Variants in NEB observed in about 807,000 individuals in gnomAD.
NEB encodes nebulin, also known as nemaline myopathy type 2.
Under a neutral mutation model 952.2 loss-of-function variants are expected in NEB, and 512 were observed. The ratio of observed to expected loss-of-function variants is 0.54; its 90% CI spans 0.50 to 0.58. NEB has a LOEUF of 0.58. NEB is among the 20% of genes least tolerant of loss of function. The probability of loss-of-function intolerance (pLI) is 0.00; values close to 1 mark genes in which losing one functional copy is unlikely to be tolerated. For synonymous variants in NEB, 2,900 were observed against 3,149.8 expected (o/e 0.92, Z 2.66); for missense variants, 8,428 against 9,231.1 (o/e 0.91, Z 3.56).
At position 151,566,971 on chromosome 2, in the gene NEB, A is replaced by G. The variant is rs550585111; in HGVS notation, c.18156+197T>C. Among the ~76,000 whole-genome samples the G allele has an allele frequency of 1.1e-4, 16 of 152,336 alleles. 1 individual carries two copies. In the East Asian group the frequency reaches 2.5e-3, roughly 24 times the overall value. On this transcript the variant is annotated intron_variant, in intron 114 of 181. Transcript: ENST00000397345. ...AAAAAAATTTGATTGAAAGTTACTCAGAAATGCAGTCAGTAGGCAAACCAA... is the reference window on the plus strand; with the variant it reads ...AAAAAAATTTGATTGAAAGTTACTCGGAAATGCAGTCAGTAGGCAAACCAA...
At chr2:151,726,647 T>C (rs933526389) in intron 5 of NEB, among the ~76,000 whole-genome samples, 5 of 152,140 alleles carry the variant, frequency 3.3e-5, no homozygotes, top group African/African-American at 1.2e-4. Context: ...GAACTGTGCA[T>C]GGGAATCTAA....
intron 145 of NEB, chr2:151,530,539 G>A (rs1270150946): frequency 6.5e-6 from 1 of 153,062 alleles, no homozygotes; most frequent in Non-Finnish European, 1.5e-5. Flanking sequence ...CATAGACCTA[G>A]TTTACCAATT....
At chr2:151,671,338 C>T in intron 37 of NEB, 109 bp from the exon 38 acceptor site, 1 of 867,104 alleles carries the variant, frequency 1.2e-6, no homozygotes, top group East Asian at 2.7e-5. Flanking sequence ...CTTCAGCATG[C>T]TCATGTCTGA....
chr2:151,729,926 T>C lies in NEB; in HGVS notation c.37-270A>G, dbSNP rs76252750. On this transcript the variant is annotated intron_variant, in intron 3 of 181. Transcript: ENST00000397345. Reference sequence around the variant, plus strand: ...AGGCTGTTTTTTAATCAAGAGAAGCTATTTTACTTTACTGGGACATGGAAA... The same window carrying C: ...AGGCTGTTTTTTAATCAAGAGAAGCCATTTTACTTTACTGGGACATGGAAA... Among the ~76,000 whole-genome samples, 1,072 of 152,300 alleles carry C rather than the reference T, an allele frequency of 7.0e-3. 20 individuals are homozygous for C. The highest frequency in any genetic ancestry group is 0.062 in the East Asian group (323 of 5,178).
At chr2:151,678,820 G>C (rs1214159206) in intron 32 of NEB, among the ~76,000 whole-genome samples, 2 of 152,034 alleles carry the variant, frequency 1.3e-5, no homozygotes, top group Non-Finnish European at 2.9e-5. Context: ...GCAGCTGGAG[G>C]AAAGTACCCA....
chr2:151,705,734 C>CT (rs1162613213), intron 13 of NEB, among the ~76,000 whole-genome samples: 1 of 152,098 alleles, frequency 6.6e-6, no homozygotes, highest in Non-Finnish European at 1.5e-5. Context: ...TGGAATGCTA[C>CT]TCAGCCATGA....
intron 161 of NEB, among the ~76,000 whole-genome samples, chr2:151,509,365 A>G (rs1012701208): frequency 1.3e-5 from 2 of 152,178 alleles, no homozygotes; most frequent in African/African-American, 4.8e-5. Flanking sequence ...AATAGAAACA[A>G]TCGTCCTTTT....
Position 151,568,677 on chromosome 2 carries a change from G to T in NEB, c.17575C>A (p.Pro5859Thr), listed in dbSNP as rs1437205669. 1 of 1,607,766 alleles carries T rather than the reference G, an allele frequency of 6.2e-7. No homozygotes were observed. The highest frequency in any genetic ancestry group is 8.5e-7 in the Non-Finnish European group (1 of 1,177,122). The change falls in exon 111 of 182, where the codon CCT (proline) becomes ACT (threonine). Residue 5859 changes from proline to threonine, a missense_variant. Pro to Thr is a conservative substitution (Grantham distance 38). Transcript: ENST00000397345. ...ACATAATCAACTCTGTCATCCACAG[G>T]CGTAAAGTTGAGAGTTTCTATTTTT... ...RTKIETLNFT[P>T]VDDRVDYVTA...
chr2:151,526,644 C>A (rs966460046), intron 148 of NEB, among the ~76,000 whole-genome samples: 1 of 152,152 alleles, frequency 6.6e-6, no homozygotes, highest in Non-Finnish European at 1.5e-5. Flanking sequence ...CATAAAGAGT[C>A]CAGCCAGGCC....
chr2:151,609,697 C>A (rs1047435136), intron 81 of NEB, 112 bp downstream of exon 81: 31 of 966,440 alleles, frequency 3.2e-5, no homozygotes, highest in Non-Finnish European at 3.8e-5. Context: ...CCAGCCCCAC[C>A]CCCAGGTTTG....
chr2:151,659,417 C>T (rs1398033532), intron 46 of NEB, among the ~76,000 whole-genome samples: 3 of 152,140 alleles, frequency 2.0e-5, no homozygotes, highest in Non-Finnish European at 4.4e-5. Flanking sequence ...CCTCCCACCT[C>T]AGCCTCCTGA....
rs2098896772 is a variant in NEB, at chr2:151,642,812, T to C, written c.8218A>G (p.Thr2740Ala). 2 of 1,612,956 alleles carry C rather than the reference T, an allele frequency of 1.2e-6. No individual in the cohort carries two copies. Among genetic ancestry groups the C allele is most frequent in the Admixed American group, 1.7e-5 (1 of 59,916 alleles). The stretch of plus-strand genomic sequence containing the variant: ...TGTTTAGCTAATAAAACTTCAGGGG[T>C]ATCTGGCATAATGTGGACAGTGGTT... ...DKTTVHIMPD[T>A]PEVLLAKQNK... Residue 2740 changes from threonine to alanine, a missense_variant, in exon 59 of 182, where the codon ACC becomes GCC. Coordinates refer to ENST00000397345, the MANE Select transcript of NEB (RefSeq NM_001164508.2).
Position 151,697,213 on chromosome 2 carries a change from C to G in NEB, c.1405G>C (p.Gly469Arg), listed in dbSNP as rs2099602827. The G allele has an allele frequency of 6.2e-7, 1 of 1,613,724 alleles. No individual in the cohort carries two copies. The highest frequency in any genetic ancestry group is 8.5e-7 in the Non-Finnish European group (1 of 1,179,890). Reference protein sequence around the residue: ...KAEYEEDRGKGFFPQTITQEY... With the variant: ...KAEYEEDRGKRFFPQTITQEY... The stretch of plus-strand genomic sequence containing the variant: ...TGAGTTATGGTCTGAGGGAAGAAGC[C>G]TTTGCCTCTGTCTTCTTCGTATTCT... Residue 469 changes from glycine (G) to arginine (R), a missense_variant, in exon 16 of 182, where the codon GGC (glycine) becomes CGC (arginine). By Grantham distance (125) the Gly-to-Arg change is moderately radical (BLOSUM62 -2). This residue lies in a region of NEB where 2,851 missense variants were observed against 2,791.5 expected (regional missense o/e 1.02). Coordinates refer to ENST00000397345, the MANE Select transcript of NEB (RefSeq NM_001164508.2).
Position 151,518,367 on chromosome 2 carries a change from T to G in NEB, c.22751A>C (p.Asp7584Ala), listed in dbSNP as rs750642880. The change falls in exon 156 of 182, where the codon GAT becomes GCT. Residue 7584 changes from aspartate to alanine, a missense_variant. Asp to Ala is a moderately radical substitution (Grantham distance 126, BLOSUM62 -2). Coordinates refer to ENST00000397345, the MANE Select transcript of NEB (RefSeq NM_001164508.2). ...TTTTAGGTGAAGCTGCTCCAGATTA[T>G]CGGGTATGGTGTGGTAGTGGCCTTT... The part of the protein sequence containing the change: ...KSKGHYHTIP[D>A]NLEQLHLKEA... The G allele has an allele frequency of 1.2e-6, 2 of 1,612,554 alleles. No individual in the cohort carries two copies. Among genetic ancestry groups the G allele is most frequent in the Non-Finnish European group, 1.7e-6 (2 of 1,178,734 alleles).
chr2:151,680,771 T>C lies in NEB; in HGVS notation c.3001A>G (p.Ile1001Val), dbSNP rs775535626. 7 of 1,613,208 alleles carry C rather than the reference T, an allele frequency of 4.3e-6. No individual in the cohort carries two copies. In the East Asian group the frequency reaches 8.9e-5, roughly 21 times the overall value. The change falls in exon 30 of 182, where the codon ATT becomes GTT. Residue 1001 changes from isoleucine to valine, a missense_variant. Physicochemically the swap from Ile to Val is conservative, Grantham distance 29 (BLOSUM62 3). This residue lies in a region of NEB where 2,851 missense variants were observed against 2,791.5 expected (regional missense o/e 1.02). Transcript: ENST00000397345. ...TGGTTAATTTTAGACTGTACTGTAA[T>C]TGGAGCATCTTCAATCGAGGTAAAC... ...LKFTSIEDAP[I>V]TVQSKINQAQ...
chr2:151,643,430 T>G, intron 57 of NEB, 77 bp from the exon 58 acceptor site: 1 of 1,280,206 alleles, frequency 7.8e-7, no homozygotes, highest in Non-Finnish European at 1.1e-6. Context: ...AATTAAATCA[T>G]TTGCCCCTAA....
intron 105 of NEB, among the ~76,000 whole-genome samples, chr2:151,577,865 CA>C (rs2096934906): frequency 6.6e-6 from 1 of 152,134 alleles, no homozygotes; most frequent in Non-Finnish European, 1.5e-5. Context: ...AGGTGTGAGC[CA>C]CAGCGCCCAG....
chr2:151,594,940 A>C (rs1305540661), intron 92 of NEB, among the ~76,000 whole-genome samples: 1 of 27,214 alleles, frequency 3.7e-5, no homozygotes, highest in South Asian at 1.1e-3. Flanking sequence ...TTGAATCAGA[A>C]GATAACAACA....
intron 45 of NEB, 76 bp downstream of exon 45, chr2:151,663,472 A>G (rs748099183): frequency 3.6e-6 from 5 of 1,404,768 alleles, no homozygotes; most frequent in Non-Finnish European, 4.8e-6. Context: ...AGGATTTTCA[A>G]AACGTCATTG....
Sources: gnomAD v4.1 joint callset for allele counts (sites outside exome capture counted in the v4.1 genomes callset) on GRCh38, gnomAD v4.1.1 for gene constraint, gnomAD v4.1.1 regional missense constraint, MANE v1.5 for transcripts, NCBI Gene and HGNC (gene_info 2026-07-23, HGNC 2026-07-21) for gene names.